VPS26A: variants seen among roughly 807,000 people sequenced by gnomAD.
VPS26A encodes the protein vacuolar protein sorting-associated protein 26A.
In VPS26A, 22 loss-of-function variants were observed where a neutral mutation model predicts 42.4. That is an observed-to-expected ratio of 0.52 (90% CI 0.37 to 0.74). The LOEUF is 0.74. Ranked by LOEUF, VPS26A falls within the 30% of genes least tolerant of loss-of-function variation. The pLI, the probability that VPS26A is intolerant of heterozygous loss-of-function variation, is 0.00. For missense variants in VPS26A, 276 were observed against 379.2 expected (o/e 0.73, Z 2.26); for synonymous variants, 110 against 123.5 (o/e 0.89, Z 0.73).
intron 1 of VPS26A, 59 bp downstream of exon 1, chr10:69,124,339 G>A (rs1417663512): frequency 1.6e-6 from 2 of 1,231,750 alleles, no homozygotes; most frequent in African/African-American, 3.1e-5. Context: ...CGCGCGGCGG[G>A]CCGGCCAACC....
chr10:69,157,984 G>A, intron 4 of VPS26A, 63 bp from the exon 5 acceptor site: 1 of 1,416,220 alleles, frequency 7.1e-7, no homozygotes, highest in Non-Finnish European at 9.4e-7. Flanking sequence ...AATGTTTGCT[G>A]ATTTAAAACA....
At chr10:69,138,666 G>A (rs1171311699) in intron 2 of VPS26A, among the ~76,000 whole-genome samples, 3 of 152,056 alleles carry the variant, frequency 2.0e-5, no homozygotes, top group Non-Finnish European at 4.4e-5. Flanking sequence ...TTTTATTTGT[G>A]TATATTGTTT....
At chr10:69,166,200 T>G in intron 7 of VPS26A, 90 bp downstream of exon 7, 1 of 1,203,124 alleles carries the variant, frequency 8.3e-7, no homozygotes, top group Admixed American at 2.1e-5. Flanking sequence ...TGAAAGTATC[T>G]TTGAATTCTT....
intron 2 of VPS26A, among the ~76,000 whole-genome samples, chr10:69,152,770 C>T (rs1425526425): frequency 6.6e-6 from 1 of 151,944 alleles, no homozygotes; most frequent in Non-Finnish European, 1.5e-5. Flanking sequence ...GAGATCAAGA[C>T]CATCCTGGCT....
intron 1 of VPS26A, among the ~76,000 whole-genome samples, chr10:69,126,655 A>G (rs1840662096): frequency 6.6e-6 from 1 of 151,820 alleles, no homozygotes; most frequent in Admixed American, 6.6e-5. Context: ...CTTTCCTTCT[A>G]GTCTTTACCA....
intron 2 of VPS26A, among the ~76,000 whole-genome samples, chr10:69,151,690 T>C (rs1841318730): frequency 6.6e-6 from 1 of 152,182 alleles, no homozygotes; most frequent in African/African-American, 2.4e-5. Flanking sequence ...ACTGAAAAAC[T>C]TTGCATTTGT....
chr10:69,167,773 C>CAAAA (rs1841723855), intron 7 of VPS26A, among the ~76,000 whole-genome samples: 1 of 141,776 alleles, frequency 7.1e-6, no homozygotes. Context: ...AAAGAATATG[C>CAAAA]AAAGAATTAC....
At chr10:69,136,491 C>G (rs572938790) in intron 2 of VPS26A, among the ~76,000 whole-genome samples, 1 of 151,854 alleles carries the variant, frequency 6.6e-6, no homozygotes, top group South Asian at 2.1e-4. Context: ...AGGCTGGTCT[C>G]GAACTTCTGA....
intron 1 of VPS26A, among the ~76,000 whole-genome samples, chr10:69,127,539 C>T (rs1350746554): frequency 6.7e-6 from 1 of 148,402 alleles, no homozygotes; most frequent in Non-Finnish European, 1.5e-5. Flanking sequence ...GGCGAAAGAG[C>T]GAGACTCCAT....
At chr10:69,152,415 A>G (rs767332598) in intron 2 of VPS26A, among the ~76,000 whole-genome samples, 1 of 152,156 alleles carries the variant, frequency 6.6e-6, no homozygotes, top group Admixed American at 6.5e-5. Flanking sequence ...AAAATTCTTT[A>G]TCATTATTGT....
Position 69,171,468 on chromosome 10 carries a change from T to G in VPS26A, c.*199T>G, listed in dbSNP as rs1841814275. ...GTTCATGTATATACATTTTTAAAAGTGCTTTCTTTGAAACACTGGAACTTT... is the reference window on the plus strand; with the variant it reads ...GTTCATGTATATACATTTTTAAAAGGGCTTTCTTTGAAACACTGGAACTTT... On this transcript the variant is annotated 3_prime_UTR_variant, in exon 9 of 9. Coordinates refer to ENST00000263559, the MANE Select transcript of VPS26A (RefSeq NM_004896.5). 3 of 426,934 alleles carry G rather than the reference T, an allele frequency of 7.0e-6. No homozygotes were observed. The highest frequency in any genetic ancestry group is 1.2e-5 in the Non-Finnish European group (3 of 245,210). 26.4% of individuals were successfully genotyped at this position (426,934 alleles called of 1,614,324 possible). A position where few individuals can be genotyped will look rare whatever the true frequency, so the allele number is the denominator to read the frequency against.
In VPS26A at chr10:69,151,282, A is replaced by AAAAAAAAAAACAAAAAACAAAAAACACAC. The variant is rs71035063; in HGVS notation, c.154-4529_154-4528insAAAAAAAAACAAAAAACAAAAAACACACA. ...TCCATGTCAAAAAAAAAAAAAAAAAAACACACACACACACACAATTAGCCG... is the reference window on the plus strand; with the variant it reads ...TCCATGTCAAAAAAAAAAAAAAAAAAAAAAAAAAAACAAAAAACAAAAAACACACACACACACACACACACAATTAGCCG... On this transcript the variant is annotated intron_variant, in intron 2 of 8. Transcript: ENST00000263559. Among the ~76,000 whole-genome samples, 55 of 136,818 alleles carry AAAAAAAAAAACAAAAAACAAAAAACACAC rather than the reference A, an allele frequency of 4.0e-4. 2 individuals carry two copies. Among genetic ancestry groups the AAAAAAAAAAACAAAAAACAAAAAACACAC allele is most frequent in the African/African-American group, 1.6e-3 (49 of 30,148 alleles). The allele number at this position is 136,818 out of a possible 152,430, so 89.8% of individuals were successfully genotyped here.
intron 2 of VPS26A, among the ~76,000 whole-genome samples, chr10:69,139,218 T>C (rs1840988327): frequency 6.6e-6 from 1 of 152,220 alleles, no homozygotes; most frequent in African/African-American, 2.4e-5. Flanking sequence ...ATATTGGTAA[T>C]GGCTTTTTTG....
chr10:69,151,270 A>AAAAAAAAAAAAC, intron 2 of VPS26A, among the ~76,000 whole-genome samples: 1 of 64,368 alleles, frequency 1.6e-5, no homozygotes, highest in Non-Finnish European at 4.3e-5. Context: ...ATGTCAAAAA[A>AAAAAAAAAAAAC]AAAAAAAAAA....
chr10:69,156,181 T>A (rs1433968268), intron 3 of VPS26A, among the ~76,000 whole-genome samples: 1 of 151,898 alleles, frequency 6.6e-6, no homozygotes, highest in African/African-American at 2.4e-5. Flanking sequence ...TTTTTCACCA[T>A]CCTTCTTATA....
intron 5 of VPS26A, among the ~76,000 whole-genome samples, chr10:69,160,679 T>A (rs1482314077): frequency 6.6e-6 from 1 of 152,098 alleles, no homozygotes; most frequent in African/African-American, 2.4e-5. Flanking sequence ...CTTGAACTCC[T>A]GACCTCAGGT....
chr10:69,132,607 T>TA (rs1840809404), intron 1 of VPS26A, among the ~76,000 whole-genome samples: 1 of 152,120 alleles, frequency 6.6e-6, no homozygotes, highest in Non-Finnish European at 1.5e-5. Context: ...CACGCCCGGC[T>TA]AATTTTTGTG....
At chr10:69,132,213 A>G (rs959775080) in intron 1 of VPS26A, among the ~76,000 whole-genome samples, 5 of 152,196 alleles carry the variant, frequency 3.3e-5, no homozygotes, top group African/African-American at 1.2e-4. Context: ...AAAAGTATAA[A>G]TAAAGGTAAT....
intron 2 of VPS26A, among the ~76,000 whole-genome samples, chr10:69,136,196 AGGT>A (rs1840903656): frequency 1.3e-5 from 2 of 151,958 alleles, no homozygotes; most frequent in African/African-American, 4.8e-5. Flanking sequence ...GCAAGAATAT[AGGT>A]GGTGGTGTGT....
Sources: gnomAD v4.1 joint callset for allele counts (sites outside exome capture counted in the v4.1 genomes callset) on GRCh38, gnomAD v4.1.1 for gene constraint, MANE v1.5 for transcripts, NCBI Gene and HGNC (gene_info 2026-07-23, HGNC 2026-07-21) for gene names.